The following SPON1 variants were observed in gnomAD, a reference collection of about 807,000 sequenced individuals.
The protein encoded by SPON1 is spondin-1.
A neutral mutation model predicts 111.7 loss-of-function variants in SPON1; 52 were observed. The observed-to-expected ratio is 0.47, with a 90% confidence interval of 0.37 to 0.59. The LOEUF is 0.59. Among genes scored for constraint, SPON1 ranks in the 20% least tolerant of loss-of-function variants. SPON1 has a pLI of 0.00. For missense variants in SPON1, 957 were observed against 1,068.5 expected (o/e 0.90, Z 1.46); for synonymous variants, 410 against 395.8 (o/e 1.04, Z -0.43).
chr11:14,059,510 C>T (rs1554919611), intron 3 of SPON1, among the ~76,000 whole-genome samples: 1 of 151,970 alleles, frequency 6.6e-6, no homozygotes. Flanking sequence ...TTAGTGAGCA[C>T]CTACTATGTG....
intron 6 of SPON1, among the ~76,000 whole-genome samples, chr11:14,169,984 T>C (rs1442085282): frequency 1.3e-5 from 2 of 152,224 alleles, no homozygotes; most frequent in Non-Finnish European, 2.9e-5. Context: ...TGTGAGCTCT[T>C]TTTTGGTTCC....
chr11:14,171,366 C>G (rs1461854594), intron 6 of SPON1, among the ~76,000 whole-genome samples: 1 of 152,116 alleles, frequency 6.6e-6, no homozygotes, highest in East Asian at 1.9e-4. Flanking sequence ...TTTATTGCAT[C>G]TATTTGATTG....
rs989247049 is a variant in SPON1 at position 14,268,101 on chromosome 11, A to C, written c.*2414A>C. Among the ~76,000 whole-genome samples the C allele has an allele frequency of 6.6e-6, 1 of 152,186 alleles. No individual in the cohort carries two copies. Among genetic ancestry groups the C allele is most frequent in the African/African-American group, 2.4e-5 (1 of 41,458 alleles). On this transcript the variant is annotated 3_prime_UTR_variant, in exon 16 of 16. Coordinates refer to ENST00000576479, the MANE Select transcript of SPON1 (RefSeq NM_006108.4). ...CTGGGTTTCTATAGACCCAGAACTG[A>C]AAAAATAAACATCGTGCTGTTTTTA...
intron 6 of SPON1, among the ~76,000 whole-genome samples, chr11:14,174,919 G>A (rs1375881280): frequency 6.6e-6 from 1 of 151,954 alleles, no homozygotes; most frequent in Non-Finnish European, 1.5e-5. Context: ...TTTATGAAAG[G>A]TAACCTCCTA....
At chr11:13,994,387 A>G (rs1231029192) in intron 2 of SPON1, among the ~76,000 whole-genome samples, 1 of 152,178 alleles carries the variant, frequency 6.6e-6, no homozygotes, top group Non-Finnish European at 1.5e-5. Flanking sequence ...AATGCAAAGG[A>G]TATGGACATT....
intron 6 of SPON1, among the ~76,000 whole-genome samples, chr11:14,240,961 G>A (rs1050551541): frequency 4.6e-5 from 7 of 152,226 alleles, no homozygotes; most frequent in Admixed American, 3.3e-4. Context: ...TATGTAGTAC[G>A]TACTGATGGA....
chr11:14,017,674 T>C lies in SPON1; in HGVS notation c.346-23847T>C, dbSNP rs554433471. Among the ~76,000 whole-genome samples, 7 of 152,330 alleles carry C rather than the reference T, an allele frequency of 4.6e-5. No homozygotes were observed. In the East Asian group the frequency reaches 1.3e-3, roughly 29 times the overall value. The stretch of plus-strand genomic sequence containing the variant: ...TAAAGTAGCAGGGCCATTTGAGCCC[T>C]AGTTCAGGCATATTTCATTGGGCAC... On this transcript the variant is annotated intron_variant, in intron 2 of 15. Coordinates refer to ENST00000576479, the MANE Select transcript of SPON1 (RefSeq NM_006108.4).
chr11:14,146,538 T>TAA (rs1847721849), intron 6 of SPON1, among the ~76,000 whole-genome samples: 1 of 152,266 alleles, frequency 6.6e-6, no homozygotes, highest in South Asian at 2.1e-4. Flanking sequence ...AAATACTGCA[T>TAA]AACTTAATCT....
At chr11:14,255,366 A>G (rs1554941085) in intron 8 of SPON1, among the ~76,000 whole-genome samples, 1 of 152,228 alleles carries the variant, frequency 6.6e-6, no homozygotes, top group African/African-American at 2.4e-5. Context: ...TTTGGGATTC[A>G]GGCCAACCTG....
intron 2 of SPON1, among the ~76,000 whole-genome samples, chr11:14,006,278 A>G (rs1176856957): frequency 6.6e-6 from 1 of 152,290 alleles, no homozygotes; most frequent in East Asian, 1.9e-4. Context: ...AGTACCTGCT[A>G]GCAGAAATTG....
At chr11:14,105,141 C>A (rs1554924774) in intron 5 of SPON1, among the ~76,000 whole-genome samples, 3 of 151,924 alleles carry the variant, frequency 2.0e-5, no homozygotes, top group Non-Finnish European at 1.5e-5. Flanking sequence ...CATTTTTCTT[C>A]TAGTGGATCT....
intron 1 of SPON1, among the ~76,000 whole-genome samples, chr11:13,971,557 G>A (rs1468723145): frequency 6.6e-6 from 1 of 151,866 alleles, no homozygotes; most frequent in African/African-American, 2.4e-5. Flanking sequence ...AAACTTCCTG[G>A]GCCCCACCCT....
intron 1 of SPON1, among the ~76,000 whole-genome samples, chr11:13,981,269 G>A (rs1554909594): frequency 1.3e-5 from 2 of 152,250 alleles, no homozygotes; most frequent in East Asian, 1.9e-4. Flanking sequence ...GGGTCCAATG[G>A]GATGGAGGAC....
At chr11:14,199,289 T>TA (rs1554935380) in intron 6 of SPON1, among the ~76,000 whole-genome samples, 1 of 152,294 alleles carries the variant, frequency 6.6e-6, no homozygotes, top group African/African-American at 2.4e-5. Context: ...TCTTCATAGT[T>TA]ACATTGCTTT....
At chr11:14,221,263 C>T (rs192907965) in intron 6 of SPON1, among the ~76,000 whole-genome samples, 2 of 152,264 alleles carry the variant, frequency 1.3e-5, no homozygotes, top group Admixed American at 1.3e-4. Flanking sequence ...GTATCTCAGA[C>T]ATTATAATGG....
chr11:14,113,605 T>A lies in SPON1; in HGVS notation c.677-21815T>A, dbSNP rs1554925686. 9.4e-3 allele frequency among the ~76,000 whole-genome samples: 677 copies of A among 71,996 alleles called. 45 individuals are homozygous for A. Among genetic ancestry groups the A allele is most frequent in the Non-Finnish European group, 0.014 (509 of 37,380 alleles). The allele number at this position is 71,996 out of a possible 152,430, so 47.2% of individuals were successfully genotyped here. On this transcript the variant is annotated intron_variant, in intron 5 of 15. Coordinates refer to ENST00000576479, the MANE Select transcript of SPON1 (RefSeq NM_006108.4). ...TTTTTTTTTTTTTTTTTTTTTTTTT[T>A]TTTTTTTTTTTTTTTGAGACGGAGT...
chr11:13,964,701 C>A (rs886964966), intron 1 of SPON1, among the ~76,000 whole-genome samples: 5 of 152,166 alleles, frequency 3.3e-5, no homozygotes, highest in African/African-American at 9.7e-5. Context: ...AGGGAGCGCG[C>A]GGCTTGGCAC....
chr11:14,115,777 C>T (rs1849262221), intron 5 of SPON1, among the ~76,000 whole-genome samples: 1 of 151,874 alleles, frequency 6.6e-6, no homozygotes, highest in South Asian at 2.1e-4. Context: ...ATTTGCCTTT[C>T]TGTTGGTTAG....
chr11:14,262,772 A>G lies in SPON1; in HGVS notation c.2057A>G (p.Lys686Arg). ...QWSECNKSCGKGHVIRTRMIQ... is the reference protein window; with the variant it reads ...QWSECNKSCGRGHVIRTRMIQ... The stretch of plus-strand genomic sequence containing the variant: ...TCGGAATGTAACAAGTCATGTGGGA[A>G]AGGCCACGTGATTCGAACCCGGATG... The change falls in exon 15 of 16, where the codon AAA becomes AGA. Residue 686 changes from lysine to arginine, a missense_variant. This residue lies in a region of SPON1 where 549 missense variants were observed against 606.2 expected (regional missense o/e 0.91). Transcript: ENST00000576479. 1 of 1,613,962 alleles carries G rather than the reference A, an allele frequency of 6.2e-7. No homozygotes were observed. The highest frequency in any genetic ancestry group is 2.2e-5 in the East Asian group (1 of 44,882).
Sources: allele counts gnomAD v4.1 joint callset (sites outside exome capture counted in the v4.1 genomes callset), GRCh38; gene constraint gnomAD v4.1.1; regional missense constraint gnomAD v4.1.1; transcripts MANE v1.5; gene names NCBI Gene and HGNC (gene_info 2026-07-23, HGNC 2026-07-21).